The following ESRRG variants were observed in gnomAD, a reference collection of about 807,000 sequenced individuals.
ESRRG encodes the protein estrogen-related receptor gamma.
In ESRRG, 13 loss-of-function variants were observed where a neutral mutation model predicts 44.0. That is an observed-to-expected ratio of 0.30 (90% CI 0.19 to 0.47). The LOEUF is 0.47. Among genes scored for constraint, ESRRG ranks in the 20% least tolerant of loss-of-function variants. The pLI, the probability that ESRRG is intolerant of heterozygous loss-of-function variation, is 1.00. For synonymous variants in ESRRG, 215 were observed against 214.6 expected, an observed-to-expected ratio of 1.00 and a Z score of -0.02; for missense variants, 395 against 580.6, an observed-to-expected ratio of 0.68 and a Z score of 3.29.
intron 2 of ESRRG, among the ~76,000 whole-genome samples, chr1:216,880,114 C>A (rs2096419622): frequency 1.3e-5 from 2 of 151,576 alleles, no homozygotes; most frequent in Middle Eastern, 6.8e-3. Context: ...TTGAGACCAG[C>A]CTGACCAACA....
intron 1 of ESRRG, among the ~76,000 whole-genome samples, chr1:216,983,045 T>TG (rs1356256849): frequency 6.6e-6 from 1 of 151,746 alleles, no homozygotes; most frequent in Non-Finnish European, 1.5e-5. Flanking sequence ...TTTTTTTTTT[T>TG]TTTTTTTAAC....
At chr1:216,734,445 G>A (rs2089485037) in intron 2 of ESRRG, among the ~76,000 whole-genome samples, 1 of 152,034 alleles carries the variant, frequency 6.6e-6, no homozygotes, top group African/African-American at 2.4e-5. Context: ...TCTCACTCTG[G>A]TAGTTCACTA....
intron 1 of ESRRG, among the ~76,000 whole-genome samples, chr1:216,682,980 G>A (rs891452443): frequency 6.6e-6 from 1 of 152,146 alleles, no homozygotes; most frequent in African/African-American, 2.4e-5. Context: ...TGGTGATGCT[G>A]AAGAAAGGGA....
chr1:216,674,187 G>A (rs1490717266), intron 2 of ESRRG, among the ~76,000 whole-genome samples: 1 of 152,206 alleles, frequency 6.6e-6, no homozygotes, highest in Non-Finnish European at 1.5e-5. Context: ...TTTGAGGTGT[G>A]CTTTCATTCT....
intron 3 of ESRRG, among the ~76,000 whole-genome samples, chr1:216,637,829 A>ATTTAT: frequency 6.6e-6 from 1 of 152,132 alleles, no homozygotes; most frequent in Non-Finnish European, 1.5e-5. Context: ...AGTGTAGTCA[A>ATTTAT]TATACTTTTA....
intron 1 of ESRRG, among the ~76,000 whole-genome samples, chr1:217,001,478 C>T (rs2077027538): frequency 6.6e-6 from 1 of 152,192 alleles, no homozygotes; most frequent in Non-Finnish European, 1.5e-5. Context: ...CATATTCTGT[C>T]TCATGTTCAC....
chr1:216,871,260 G>A (rs543658736), intron 2 of ESRRG, among the ~76,000 whole-genome samples: 9 of 152,014 alleles, frequency 5.9e-5, no homozygotes, highest in East Asian at 5.8e-4. Flanking sequence ...TTAGAAATGT[G>A]TTGTCAAATA....
intron 1 of ESRRG, among the ~76,000 whole-genome samples, chr1:217,062,731 G>C (rs2088815658): frequency 6.6e-6 from 1 of 152,198 alleles, no homozygotes; most frequent in Admixed American, 6.5e-5. Flanking sequence ...GTTTAGATCA[G>C]TGAAAACTAG....
intron 3 of ESRRG, among the ~76,000 whole-genome samples, chr1:216,580,355 T>C (rs2149799907): frequency 6.6e-6 from 1 of 152,198 alleles, no homozygotes; most frequent in African/African-American, 2.4e-5. Flanking sequence ...TTAAGAAAAG[T>C]ATAGAAAACT....
intron 2 of ESRRG, among the ~76,000 whole-genome samples, chr1:216,854,353 C>CAAAAAAAAAAAAAAAA (rs57421256): frequency 7.5e-5 from 5 of 67,102 alleles, no homozygotes; most frequent in East Asian, 5.6e-4. Flanking sequence ...AAGACACCAT[C>CAAAAAAAAAAAAAAAA]AAAAAAAAAA....
At chr1:216,920,245 G>A (rs1161965401) in intron 2 of ESRRG, among the ~76,000 whole-genome samples, 1 of 152,176 alleles carries the variant, frequency 6.6e-6, no homozygotes, top group African/African-American at 2.4e-5. Flanking sequence ...GTCATGTCCA[G>A]AAGCTGGTAT....
intron 1 of ESRRG, among the ~76,000 whole-genome samples, chr1:216,972,833 T>C (rs1340295481): frequency 6.6e-6 from 1 of 152,190 alleles, no homozygotes; most frequent in African/African-American, 2.4e-5. Context: ...TAAAGTACAG[T>C]GCAGGTGCGT....
At chr1:216,816,553 T>TAAGAAACA (rs921003413) in intron 2 of ESRRG, among the ~76,000 whole-genome samples, 7 of 152,198 alleles carry the variant, frequency 4.6e-5, no homozygotes, top group Admixed American at 3.9e-4. Flanking sequence ...AATCACACTC[T>TAAGAAACA]AAGAAACACA....
chr1:216,901,525 A>T (rs751085667), intron 2 of ESRRG, among the ~76,000 whole-genome samples: 10 of 151,766 alleles, frequency 6.6e-5, no homozygotes, highest in Non-Finnish European at 8.8e-5. Flanking sequence ...GTGCCACCAC[A>T]TCTGGCTAAT....
At chr1:216,970,438 G>A (rs763373858) in intron 1 of ESRRG, among the ~76,000 whole-genome samples, 50 of 152,194 alleles carry the variant, frequency 3.3e-4, no homozygotes, top group Non-Finnish European at 5.1e-4. Flanking sequence ...GCCTCCTGAC[G>A]GAATTTTTAG....
chr1:216,515,295 GTA>G (rs1029669489), intron 6 of ESRRG, among the ~76,000 whole-genome samples: 2 of 151,768 alleles, frequency 1.3e-5, no homozygotes, highest in Non-Finnish European at 2.9e-5. Flanking sequence ...GTATGTATGT[GTA>G]TATATATATC....
At chr1:216,600,879 T>C (rs1354998042) in intron 3 of ESRRG, among the ~76,000 whole-genome samples, 1 of 152,170 alleles carries the variant, frequency 6.6e-6, no homozygotes, top group Non-Finnish European at 1.5e-5. Flanking sequence ...CGCGCTCTGG[T>C]TGGACGCAGG....
intron 1 of ESRRG, among the ~76,000 whole-genome samples, chr1:216,990,384 T>C (rs1373428575): frequency 6.6e-6 from 1 of 152,136 alleles, no homozygotes; most frequent in Non-Finnish European, 1.5e-5. Flanking sequence ...GCAAACAACG[T>C]TTTAGCCTCA....
chr1:216,534,110 A>G (rs1446494223), intron 5 of ESRRG, among the ~76,000 whole-genome samples: 2 of 152,166 alleles, frequency 1.3e-5, no homozygotes. Flanking sequence ...ATGCAGGCAC[A>G]TTGCCTGGGG....
Sources: allele counts gnomAD v4.1 joint callset (sites outside exome capture counted in the v4.1 genomes callset), GRCh38; gene constraint gnomAD v4.1.1; transcripts MANE v1.5; gene names NCBI Gene and HGNC (gene_info 2026-07-23, HGNC 2026-07-21).